UAP1: variants seen among roughly 807,000 people sequenced by gnomAD.
UAP1 encodes UDP-N-acetylhexosamine pyrophosphorylase.
UAP1 carries 25 observed loss-of-function variants against 58.5 expected under a neutral mutation model. The ratio of observed to expected loss-of-function variants is 0.43; its 90% CI spans 0.31 to 0.60. UAP1 has a LOEUF of 0.60. UAP1 is among the 20% of genes least tolerant of loss of function. The probability of loss-of-function intolerance (pLI) is 0.11; values close to 1 mark genes in which losing one functional copy is unlikely to be tolerated. For synonymous variants in UAP1, 208 were observed against 213.0 expected (o/e 0.98, Z 0.21); for missense variants, 575 against 630.0 (o/e 0.91, Z 0.93).
At chr1:162,564,460 C>G (rs1653365864) in intron 1 of UAP1, among the ~76,000 whole-genome samples, 1 of 152,212 alleles carries the variant, frequency 6.6e-6, no homozygotes, top group Non-Finnish European at 1.5e-5. Context: ...TAACCTCTGT[C>G]TCTCACATCG....
intron 3 of UAP1, among the ~76,000 whole-genome samples, chr1:162,578,138 G>A (rs571970622): frequency 4.6e-5 from 7 of 152,190 alleles, no homozygotes; most frequent in African/African-American, 1.4e-4. Flanking sequence ...TTGGAAGTTA[G>A]CATGTTTTGA....
intron 5 of UAP1, among the ~76,000 whole-genome samples, chr1:162,584,070 T>G (rs1476399465): frequency 6.6e-6 from 1 of 152,240 alleles, no homozygotes; most frequent in East Asian, 1.9e-4. Flanking sequence ...CTCTTCAGAT[T>G]AGTTTTTGCT....
chr1:162,581,537 T>C, intron 5 of UAP1, 78 bp downstream of exon 5: 5 of 1,376,116 alleles, frequency 3.6e-6, no homozygotes, highest in Non-Finnish European at 4.0e-6. Flanking sequence ...TCAAACCAAG[T>C]TTATTAGGGT....
chr1:162,570,148 C>CAA (rs11405209), intron 2 of UAP1, among the ~76,000 whole-genome samples: 3,999 of 95,496 alleles, frequency 0.042, 65 homozygotes, highest in East Asian at 0.07. Flanking sequence ...GACTCCGTCT[C>CAA]AAAAAAAAAA....
At chr1:162,596,466 C>A (rs1655626552) in intron 9 of UAP1, among the ~76,000 whole-genome samples, 1 of 152,222 alleles carries the variant, frequency 6.6e-6, no homozygotes, top group Non-Finnish European at 1.5e-5. Flanking sequence ...TGAGCCACTG[C>A]ACCCAGCCAC....
intron 2 of UAP1, among the ~76,000 whole-genome samples, chr1:162,569,883 C>T (rs1223241620): frequency 2.0e-5 from 3 of 152,100 alleles, no homozygotes; most frequent in Non-Finnish European, 4.4e-5. Flanking sequence ...GGCATGGTGG[C>T]TCATGCCTGT....
At chr1:162,581,198 A>G in intron 4 of UAP1, 89 bp from the exon 5 acceptor site, 3 of 1,423,540 alleles carry the variant, frequency 2.1e-6, no homozygotes, top group Non-Finnish European at 2.8e-6. Context: ...TTTGTTTTTT[A>G]GGGATCTTAA....
chr1:162,592,604 T>G, intron 8 of UAP1, 128 bp from the exon 9 acceptor site: 2 of 700,142 alleles, frequency 2.9e-6, no homozygotes, highest in Admixed American at 2.5e-5. Context: ...CCCCTTTTGG[T>G]CTCTTGGGAC....
chr1:162,587,614 C>T (rs916689662), exon 6 of UAP1: 6 of 1,613,864 alleles, frequency 3.7e-6, no homozygotes, highest in East Asian at 2.2e-5. Flanking sequence ...CTGTTCAATG[C>T]GGGGAACATT....
intron 4 of UAP1, 131 bp from the exon 5 acceptor site, chr1:162,581,156 A>G (rs1654563306): frequency 1.0e-6 from 1 of 956,110 alleles, no homozygotes. Flanking sequence ...TTCCTTATGG[A>G]TATTCAGTTT....
intron 1 of UAP1, 128 bp from the exon 2 acceptor site, chr1:162,565,884 G>A: frequency 1.6e-6 from 1 of 612,704 alleles, no homozygotes; most frequent in Non-Finnish European, 2.8e-6. Flanking sequence ...TACAAATATT[G>A]AGTGATGGAA....
intron 2 of UAP1, among the ~76,000 whole-genome samples, chr1:162,568,984 A>G (rs753624689): frequency 6.6e-6 from 1 of 152,240 alleles, no homozygotes; most frequent in African/African-American, 2.4e-5. Context: ...AGAACCAAGT[A>G]TAGCATAACA....
intron 4 of UAP1, among the ~76,000 whole-genome samples, chr1:162,580,000 G>T (rs1055021888): frequency 1.3e-5 from 2 of 152,164 alleles, no homozygotes; most frequent in Non-Finnish European, 2.9e-5. Context: ...GAGTAGCTGG[G>T]ATTACAGGCA....
chr1:162,563,606 G>T (rs368600896), intron 1 of UAP1, among the ~76,000 whole-genome samples: 1 of 152,014 alleles, frequency 6.6e-6, no homozygotes, highest in East Asian at 1.9e-4. Flanking sequence ...CTCATGATCC[G>T]CCCGCCTCGG....
intron 3 of UAP1, among the ~76,000 whole-genome samples, chr1:162,577,374 A>G (rs1024730060): frequency 1.4e-5 from 2 of 142,966 alleles, no homozygotes. Context: ...CTCAGCCTCT[A>G]CTAGTATGCT....
At position 162,570,684 on chromosome 1, in the gene UAP1, A is replaced by G. The variant is rs920101171; in HGVS notation, c.280+4336A>G. 3.3e-5 allele frequency among the ~76,000 whole-genome samples: 5 copies of G among 152,282 alleles called. No individual in the cohort carries two copies. The East Asian group carries it at 7.7e-4, about 23-fold the overall frequency. ...GATTAGTCTGCTTTTTGTGCTTACT[A>G]TTTTGGGGAAATATTGTAGTTTCTT... On this transcript the variant is annotated intron_variant, in intron 2 of 10. Transcript: ENST00000271469.
chr1:162,563,229 AATAG>A (rs1653273639), intron 1 of UAP1, among the ~76,000 whole-genome samples: 1 of 152,238 alleles, frequency 6.6e-6, no homozygotes, highest in Admixed American at 6.5e-5. Context: ...AAATAAATAT[AATAG>A]ATGAATTGTG....
intron 1 of UAP1, among the ~76,000 whole-genome samples, chr1:162,563,900 A>G (rs989975668): frequency 2.6e-5 from 4 of 152,220 alleles, no homozygotes; most frequent in Non-Finnish European, 4.4e-5. Context: ...AAATGATTGC[A>G]TAGAATCAAA....
At chr1:162,586,457 A>G (rs1423082621) in intron 5 of UAP1, among the ~76,000 whole-genome samples, 3 of 152,052 alleles carry the variant, frequency 2.0e-5, no homozygotes, top group Admixed American at 1.3e-4. Flanking sequence ...TCTCCCTAGT[A>G]GCTGAGACTC....
Sources: gnomAD v4.1 joint callset for allele counts (sites outside exome capture counted in the v4.1 genomes callset) on GRCh38, gnomAD v4.1.1 for gene constraint, MANE v1.5 for transcripts, NCBI Gene and HGNC (gene_info 2026-07-23, HGNC 2026-07-21) for gene names.